The following FMNL2 variants were observed in gnomAD, a reference collection of about 807,000 sequenced individuals.
FMNL2 encodes the protein formin like 2.
In FMNL2, 51 loss-of-function variants were observed where a neutral mutation model predicts 130.2. The observed-to-expected ratio is 0.39, with a 90% CI of 0.31 to 0.49. The LOEUF (loss-of-function observed/expected upper bound fraction) is 0.49, where lower values mean the gene tolerates loss of function less well. FMNL2 is among the 20% of genes least tolerant of loss of function. The probability of loss-of-function intolerance (pLI) is 0.85; values close to 1 mark genes in which losing one functional copy is unlikely to be tolerated. For synonymous variants in FMNL2, 465 were observed against 467.1 expected (o/e 1.00, Z 0.06); for missense variants, 977 against 1,316.2 (o/e 0.74, Z 3.99).
intron 8 of FMNL2, 70 bp from the exon 9 acceptor site, chr2:152,580,886 G>A: frequency 7.3e-7 from 1 of 1,373,422 alleles, no homozygotes; most frequent in Non-Finnish European, 1.0e-6. Flanking sequence ...ATGTATCTTG[G>A]AAGGAAGAAA....
intron 1 of FMNL2, among the ~76,000 whole-genome samples, chr2:152,406,038 GTATA>G (rs1381968380): frequency 3.9e-5 from 6 of 152,182 alleles, no homozygotes; most frequent in Non-Finnish European, 5.9e-5. Context: ...TTTGGGCAAG[GTATA>G]TATATCTCTT....
chr2:152,573,535 G>A (rs1239098665), intron 6 of FMNL2, among the ~76,000 whole-genome samples: 1 of 152,106 alleles, frequency 6.6e-6, no homozygotes, highest in East Asian at 1.9e-4. Context: ...CTGGGCTTCC[G>A]TTTTCTTAAC....
chr2:152,390,398 G>A, intron 1 of FMNL2: 2 of 1,078,792 alleles, frequency 1.9e-6, no homozygotes, highest in Non-Finnish European at 2.9e-6. Flanking sequence ...AGATGGAGTG[G>A]TGGAGCTGCT....
chr2:152,449,920 G>C (rs1314751620), intron 1 of FMNL2, among the ~76,000 whole-genome samples: 1 of 152,004 alleles, frequency 6.6e-6, no homozygotes, highest in Non-Finnish European at 1.5e-5. Context: ...ATCCTACATA[G>C]AAACCTTTCC....
At chr2:152,354,986 C>G (rs1372233123) in intron 1 of FMNL2, among the ~76,000 whole-genome samples, 1 of 152,088 alleles carries the variant, frequency 6.6e-6, no homozygotes, top group Non-Finnish European at 1.5e-5. Flanking sequence ...TTTATTGTAG[C>G]CTTTAGTCAG....
At chr2:152,375,748 A>G (rs1261661463) in intron 1 of FMNL2, among the ~76,000 whole-genome samples, 1 of 151,778 alleles carries the variant, frequency 6.6e-6, no homozygotes, top group East Asian at 1.9e-4. Flanking sequence ...GGACAGTTGT[A>G]TCCTCCTGCC....
intron 1 of FMNL2, among the ~76,000 whole-genome samples, chr2:152,357,756 A>G (rs1682917792): frequency 6.6e-6 from 1 of 152,248 alleles, no homozygotes; most frequent in South Asian, 2.1e-4. Flanking sequence ...TGATCAGTTG[A>G]CAAAAATGTT....
intron 17 of FMNL2, among the ~76,000 whole-genome samples, chr2:152,627,859 C>T (rs1681900821): frequency 6.6e-6 from 1 of 152,212 alleles, no homozygotes; most frequent in African/African-American, 2.4e-5. Context: ...AAATATTTTA[C>T]ATAATTCACC....
chr2:152,432,830 A>T (rs988517383), intron 1 of FMNL2, among the ~76,000 whole-genome samples: 2 of 152,176 alleles, frequency 1.3e-5, no homozygotes, highest in Non-Finnish European at 2.9e-5. Flanking sequence ...AATACAGGAG[A>T]AGCTCCAGGA....
rs570472830 is a variant in FMNL2 at position 152,457,125 on chromosome 2, C to A, written c.118-64818C>A. Among the ~76,000 whole-genome samples the A allele has an allele frequency of 6.1e-5, 9 of 147,380 alleles. No homozygotes were observed. In the South Asian group the frequency reaches 1.7e-3, roughly 28 times the overall value. On this transcript the variant is annotated intron_variant, in intron 1 of 25. Transcript: ENST00000288670. ...ATTGGAAATAAATTAGAGTTGTGGA[C>A]AAGAAGTAAAGAAAGTTATCAGAGT... is the stretch of plus-strand genomic sequence containing the variant.
intron 1 of FMNL2, among the ~76,000 whole-genome samples, chr2:152,354,348 T>C (rs2105787587): frequency 1.3e-5 from 2 of 151,832 alleles, no homozygotes; most frequent in South Asian, 4.2e-4. Flanking sequence ...AAAAAAAAAT[T>C]GTGTAACTTG....
At chr2:152,515,695 C>A (rs1249329721) in intron 1 of FMNL2, among the ~76,000 whole-genome samples, 2 of 152,134 alleles carry the variant, frequency 1.3e-5, no homozygotes, top group Non-Finnish European at 2.9e-5. Flanking sequence ...AATTACTTAA[C>A]CTCCTTGTCC....
chr2:152,610,947 G>T (rs1698642351), intron 10 of FMNL2, among the ~76,000 whole-genome samples: 1 of 152,114 alleles, frequency 6.6e-6, no homozygotes, highest in Admixed American at 6.5e-5. Flanking sequence ...CCCAACTTTT[G>T]TTACTGTATT....
chr2:152,387,626 G>C (rs942998950), intron 1 of FMNL2, among the ~76,000 whole-genome samples: 4 of 152,050 alleles, frequency 2.6e-5, no homozygotes, highest in African/African-American at 9.7e-5. Flanking sequence ...TCCATGTCTG[G>C]TTGTTTTTTA....
At chr2:152,443,052 C>T (rs1688135927) in intron 1 of FMNL2, among the ~76,000 whole-genome samples, 1 of 152,158 alleles carries the variant, frequency 6.6e-6, no homozygotes, top group Admixed American at 6.5e-5. Context: ...AAAAATGTAT[C>T]ACTATTTCAG....
intron 9 of FMNL2, among the ~76,000 whole-genome samples, chr2:152,593,860 A>AGAGTGTGTGTGTGT (rs1365489869): frequency 1.8e-5 from 2 of 113,294 alleles, no homozygotes; most frequent in African/African-American, 7.0e-5. Context: ...AGAGAGAGAG[A>AGAGTGTGTGTGTGT]GTGTGTGTGT....
intron 1 of FMNL2, among the ~76,000 whole-genome samples, chr2:152,444,563 A>G (rs896397362): frequency 1.3e-5 from 2 of 152,222 alleles, no homozygotes; most frequent in Admixed American, 6.5e-5. Flanking sequence ...TCTAACGAGC[A>G]AGTAAATACT....
chr2:152,545,231 G>T (rs1226656974), intron 3 of FMNL2, among the ~76,000 whole-genome samples: 2 of 152,152 alleles, frequency 1.3e-5, no homozygotes, highest in Non-Finnish European at 2.9e-5. Context: ...ATGGCTTGCA[G>T]TTAAAATGAG....
chr2:152,633,003 G>T (rs1682278732), intron 21 of FMNL2, among the ~76,000 whole-genome samples: 1 of 152,002 alleles, frequency 6.6e-6, no homozygotes, highest in Non-Finnish European at 1.5e-5. Flanking sequence ...TGCTGCTTCT[G>T]TGTTCTCACT....
Sources: gnomAD v4.1 joint callset for allele counts (sites outside exome capture counted in the v4.1 genomes callset) on GRCh38, gnomAD v4.1.1 for gene constraint, MANE v1.5 for transcripts, NCBI Gene and HGNC (gene_info 2026-07-23, HGNC 2026-07-21) for gene names.